PTPRD: variants seen among roughly 807,000 people sequenced by gnomAD.
The protein encoded by PTPRD is receptor-type tyrosine-protein phosphatase delta.
In PTPRD, 34 loss-of-function variants were observed where a neutral mutation model predicts 214.5. That is an observed-to-expected ratio of 0.16 (90% CI 0.12 to 0.21). The LOEUF (loss-of-function observed/expected upper bound fraction) is 0.21, where lower values mean the gene tolerates loss of function less well. Among genes scored for constraint, PTPRD ranks in the 10% least tolerant of loss-of-function variants. PTPRD has a pLI of 1.00. For synonymous variants in PTPRD, 1,128 were observed against 845.7 expected (o/e 1.33, Z -5.79); for missense variants, 2,545 against 2,398.7 (o/e 1.06, Z -1.27).
At chr9:9,486,565 G>A in intron 8 of PTPRD, among the ~76,000 whole-genome samples, 1 of 137,226 alleles carries the variant, frequency 7.3e-6, no homozygotes, top group East Asian at 2.1e-4. Flanking sequence ...TTTCTTTTTT[G>A]TTCTTGCCCC....
intron 7 of PTPRD, among the ~76,000 whole-genome samples, chr9:9,729,709 T>C (rs990442741): frequency 2.0e-5 from 3 of 152,036 alleles, no homozygotes; most frequent in Admixed American, 1.3e-4. Flanking sequence ...GGTCATGTCA[T>C]ATCCTTTTTA....
intron 14 of PTPRD, among the ~76,000 whole-genome samples, chr9:8,564,046 G>C (rs138371305): frequency 6.6e-6 from 1 of 152,182 alleles, no homozygotes; most frequent in Admixed American, 6.5e-5. Context: ...TATGAATTTT[G>C]ATGTCCCAGG....
chr9:10,564,787 G>C (rs1273760989), intron 2 of PTPRD, among the ~76,000 whole-genome samples: 1 of 152,090 alleles, frequency 6.6e-6, no homozygotes, highest in African/African-American at 2.4e-5. Context: ...GAAACACCTA[G>C]AATAGTTTTC....
intron 14 of PTPRD, among the ~76,000 whole-genome samples, chr9:8,578,324 T>C (rs1207882776): frequency 1.3e-5 from 2 of 152,178 alleles, no homozygotes; most frequent in African/African-American, 4.8e-5. Flanking sequence ...AGTAATCAAC[T>C]AGGTATACTG....
At chr9:9,670,012 A>G (rs547255549) in intron 7 of PTPRD, among the ~76,000 whole-genome samples, 6 of 152,288 alleles carry the variant, frequency 3.9e-5, no homozygotes, top group East Asian at 1.9e-4. Context: ...ATCAGATACA[A>G]TGAGAAAGAG....
At chr9:8,982,588 GA>G (rs59530052) in intron 11 of PTPRD, among the ~76,000 whole-genome samples, 1 of 146,340 alleles carries the variant, frequency 6.8e-6, no homozygotes, top group African/African-American at 2.5e-5. Flanking sequence ...GGAAAGGACA[GA>G]AAAAAAAATA....
At chr9:9,094,323 C>T (rs1029426910) in intron 10 of PTPRD, among the ~76,000 whole-genome samples, 9 of 152,054 alleles carry the variant, frequency 5.9e-5, no homozygotes, top group African/African-American at 1.4e-4. Flanking sequence ...TATAAGACAT[C>T]GATTGCCACT....
intron 8 of PTPRD, among the ~76,000 whole-genome samples, chr9:9,404,641 A>C (rs1270701417): frequency 6.6e-6 from 1 of 152,102 alleles, no homozygotes; most frequent in Non-Finnish European, 1.5e-5. Flanking sequence ...TATTAGATAC[A>C]TGAGTACAAG....
chr9:8,608,378 G>C (rs532972730), intron 14 of PTPRD, among the ~76,000 whole-genome samples: 2 of 152,148 alleles, frequency 1.3e-5, no homozygotes, highest in Non-Finnish European at 2.9e-5. Flanking sequence ...CTAATAAAGA[G>C]ATTAGATAGG....
chr9:8,375,565 G>A (rs575036422), intron 39 of PTPRD, among the ~76,000 whole-genome samples: 3 of 152,102 alleles, frequency 2.0e-5, no homozygotes, highest in Non-Finnish European at 4.4e-5. Context: ...ATAGTAAAAA[G>A]GTTGTATCAG....
intron 39 of PTPRD, among the ~76,000 whole-genome samples, chr9:8,371,530 G>A (rs2081520512): frequency 6.6e-6 from 1 of 151,896 alleles, no homozygotes; most frequent in African/African-American, 2.4e-5. Flanking sequence ...AGATAAATGG[G>A]GAATAAGCTT....
chr9:9,823,073 C>A (rs574343324), intron 5 of PTPRD, among the ~76,000 whole-genome samples: 9 of 152,204 alleles, frequency 5.9e-5, no homozygotes, highest in Middle Eastern at 3.4e-3. Context: ...AAATATGTGT[C>A]CATCAATGGA....
chr9:9,537,535 T>C (rs1175875633), intron 8 of PTPRD, among the ~76,000 whole-genome samples: 1 of 151,968 alleles, frequency 6.6e-6, no homozygotes, highest in Non-Finnish European at 1.5e-5. Flanking sequence ...CAAAACAAAT[T>C]TCAAATACAA....
chr9:10,344,790 T>A (rs938553946), intron 2 of PTPRD, among the ~76,000 whole-genome samples: 5 of 152,166 alleles, frequency 3.3e-5, no homozygotes, highest in Non-Finnish European at 7.3e-5. Flanking sequence ...TTGTAGCAAT[T>A]CTGAATGGGA....
chr9:10,127,733 C>A (rs924751540), intron 3 of PTPRD, among the ~76,000 whole-genome samples: 3 of 152,032 alleles, frequency 2.0e-5, no homozygotes, highest in African/African-American at 7.2e-5. Context: ...CTTGTGCCAC[C>A]CCAATCTGGC....
chr9:10,552,766 A>G (rs1590745347), intron 2 of PTPRD, among the ~76,000 whole-genome samples: 1 of 152,144 alleles, frequency 6.6e-6, no homozygotes, highest in Non-Finnish European at 1.5e-5. Context: ...TCTCCCATGG[A>G]AAGAAAAAAA....
chr9:9,133,850 T>A (rs1172821073), intron 10 of PTPRD, among the ~76,000 whole-genome samples: 1 of 152,084 alleles, frequency 6.6e-6, no homozygotes, highest in Non-Finnish European at 1.5e-5. Flanking sequence ...CGTAAGGGCA[T>A]CAACACAGTC....
At chr9:9,111,526 A>T (rs1362476324) in intron 10 of PTPRD, among the ~76,000 whole-genome samples, 1 of 152,104 alleles carries the variant, frequency 6.6e-6, no homozygotes, top group Non-Finnish European at 1.5e-5. Context: ...CTCTAAACAA[A>T]TTGCTTCCTG....
In PTPRD at chr9:10,018,540, T is replaced by C. The variant is rs2096773890; in HGVS notation, c.-472+15178A>G. ...TGATTTATTTAAGAATTACATTTCTTTTTTTTTTTTTTTTTTTTTTTTTTT... is the reference window on the plus strand; with the variant it reads ...TGATTTATTTAAGAATTACATTTCTCTTTTTTTTTTTTTTTTTTTTTTTTT... On this transcript the variant is annotated intron_variant, in intron 4 of 45. Coordinates refer to ENST00000381196, the MANE Select transcript of PTPRD (RefSeq NM_002839.4). 6.8e-5 allele frequency among the ~76,000 whole-genome samples: 3 copies of C among 44,178 alleles called. No homozygotes were observed. The African/African-American group carries it at 9.9e-4, about 15-fold the overall frequency. The allele number at this position is 44,178 out of a possible 152,430, so 29.0% of individuals were successfully genotyped here.
Sources: allele counts gnomAD v4.1 joint callset (sites outside exome capture counted in the v4.1 genomes callset), GRCh38; gene constraint gnomAD v4.1.1; transcripts MANE v1.5; gene names NCBI Gene and HGNC (gene_info 2026-07-23, HGNC 2026-07-21).